The following PEX7 variants were observed in gnomAD, a reference collection of about 807,000 sequenced individuals.
The protein encoded by PEX7 is peroxisomal biogenesis factor 7.
In PEX7, 34 loss-of-function variants were observed where a neutral mutation model predicts 47.5. The observed-to-expected ratio is 0.72, with a 90% CI of 0.54 to 0.95. PEX7 has a LOEUF of 0.95. PEX7 is among the 40% of genes least tolerant of loss of function. The pLI, the probability that PEX7 is intolerant of heterozygous loss-of-function variation, is 0.00. For synonymous variants in PEX7, 141 were observed against 148.8 expected, an observed-to-expected ratio of 0.95 and a Z score of 0.38; for missense variants, 394 against 400.3, an observed-to-expected ratio of 0.98 and a Z score of 0.13.
chr6:136,827,307 G>GA lies in PEX7; in HGVS notation c.339+843dup, dbSNP rs1774212269. Among the ~76,000 whole-genome samples the GA allele has an allele frequency of 7.2e-5, 11 of 152,258 alleles. No homozygotes were observed. In the South Asian group the frequency reaches 2.3e-3, roughly 32 times the overall value. On this transcript the variant is annotated intron_variant, in intron 3 of 9. Coordinates refer to ENST00000318471, the MANE Select transcript of PEX7 (RefSeq NM_000288.4). Reference sequence around the variant, plus strand: ...TTTCTAAGATTGTTACTGAAATAATGAAAAATTTTAGTTTCTATTTTAATT... The same window carrying GA: ...TTTCTAAGATTGTTACTGAAATAATGAAAAAATTTTAGTTTCTATTTTAATT...
At chr6:136,827,230 A>G (rs1262458293) in intron 3 of PEX7, among the ~76,000 whole-genome samples, 1 of 152,210 alleles carries the variant, frequency 6.6e-6, no homozygotes, top group Non-Finnish European at 1.5e-5. Flanking sequence ...GGTAAAGATT[A>G]GTTATGTGAG....
chr6:136,850,986 T>A (rs1279252417), intron 5 of PEX7, among the ~76,000 whole-genome samples: 4 of 116,166 alleles, frequency 3.4e-5, no homozygotes, highest in Non-Finnish European at 5.3e-5. Context: ...TTTTATTTTT[T>A]TTTTATTTTT....
intron 9 of PEX7, among the ~76,000 whole-genome samples, chr6:136,906,936 T>A (rs1308781844): frequency 6.6e-6 from 1 of 152,190 alleles, no homozygotes; most frequent in Non-Finnish European, 1.5e-5. Flanking sequence ...GAACTTTTAA[T>A]CTTGCTTTCA....
intron 8 of PEX7, among the ~76,000 whole-genome samples, chr6:136,897,541 T>G (rs533494494): frequency 6.6e-6 from 1 of 152,330 alleles, no homozygotes; most frequent in South Asian, 2.1e-4. Flanking sequence ...TTTTCTTGAT[T>G]CTAGGAATTA....
chr6:136,893,257 C>T (rs1775588373), intron 8 of PEX7, among the ~76,000 whole-genome samples: 1 of 151,768 alleles, frequency 6.6e-6, no homozygotes, highest in African/African-American at 2.4e-5. Flanking sequence ...ACCTGTTTGA[C>T]CTGGCCCTGC....
At chr6:136,908,414 G>A (rs1582783439) in intron 9 of PEX7, among the ~76,000 whole-genome samples, 1 of 152,100 alleles carries the variant, frequency 6.6e-6, no homozygotes, top group Middle Eastern at 3.4e-3. Flanking sequence ...TTTACATTAA[G>A]AAATATAACA....
At chr6:136,886,354 C>T (rs767135404) in intron 8 of PEX7, among the ~76,000 whole-genome samples, 1 of 152,148 alleles carries the variant, frequency 6.6e-6, no homozygotes, top group African/African-American at 2.4e-5. Context: ...GAAAAGCTGA[C>T]TCCTCTATTT....
At chr6:136,871,116 G>A (rs1775172413) in intron 7 of PEX7, among the ~76,000 whole-genome samples, 1 of 152,214 alleles carries the variant, frequency 6.6e-6, no homozygotes, top group African/African-American at 2.4e-5. Context: ...ACAAGTTTTA[G>A]CAGTTGAAAA....
chr6:136,897,962 G>A (rs772077314), intron 8 of PEX7, among the ~76,000 whole-genome samples, 180 bp from the exon 9 acceptor site: 24 of 151,784 alleles, frequency 1.6e-4, no homozygotes, highest in Non-Finnish European at 2.5e-4. Context: ...ATAATAGGAT[G>A]GAGTACTTTT....
In PEX7 at chr6:136,845,636, C is replaced by T; in HGVS notation, c.361C>T (p.Gln121Ter). ...TTAGGTGTATAGTGTTGATTGGAGC[C>T]AAACCAGAGGTGAACAGCTTGTGGT... ...AQEVYSVDWSQTRGEQLVVSG... is the reference protein window; with the variant it reads ...AQEVYSVDWS The change falls in exon 4 of 10, where the codon CAA becomes TAA. Residue 121 changes from glutamine (Q) to a stop codon, truncating the protein, a stop_gained. Transcript: ENST00000318471. LOFTEE classifies it high-confidence loss of function. The T allele has an allele frequency of 6.2e-7, 1 of 1,609,964 alleles. No homozygotes were observed. The highest frequency in any genetic ancestry group is 1.3e-5 in the African/African-American group (1 of 74,956).
chr6:136,849,404 GTGTTTGC>G (rs1203164272), intron 5 of PEX7, among the ~76,000 whole-genome samples: 1 of 152,056 alleles, frequency 6.6e-6, no homozygotes, highest in Non-Finnish European at 1.5e-5. Flanking sequence ...GCTTTTGAAT[GTGTTTGC>G]TCTTGCTTCT....
intron 5 of PEX7, among the ~76,000 whole-genome samples, chr6:136,848,825 G>T (rs1267804449): frequency 7.2e-5 from 11 of 151,930 alleles, no homozygotes; most frequent in Admixed American, 1.3e-4. Context: ...TTTTTGTTGT[G>T]TCTCTACCAG....
At chr6:136,902,434 T>G (rs976192959) in intron 9 of PEX7, among the ~76,000 whole-genome samples, 4 of 152,216 alleles carry the variant, frequency 2.6e-5, no homozygotes, top group Non-Finnish European at 5.9e-5. Context: ...TACACCACCT[T>G]TCTTCTTAAC....
At chr6:136,827,863 GT>G (rs1020572606) in intron 3 of PEX7, among the ~76,000 whole-genome samples, 1 of 149,856 alleles carries the variant, frequency 6.7e-6, no homozygotes, top group Non-Finnish European at 1.5e-5. Flanking sequence ...TTTTGTTGTT[GT>G]TTTTTTTTGT....
intron 6 of PEX7, 58 bp downstream of exon 6, chr6:136,866,791 A>C: frequency 7.0e-7 from 1 of 1,436,152 alleles, no homozygotes; most frequent in Non-Finnish European, 9.8e-7. Flanking sequence ...AATGTTCTGA[A>C]TTTTATTTGT....
chr6:136,906,008 C>T (rs1000797443), intron 9 of PEX7, among the ~76,000 whole-genome samples: 2 of 152,188 alleles, frequency 1.3e-5, no homozygotes, highest in Non-Finnish European at 1.5e-5. Context: ...TAGATAAGCA[C>T]TTATTTGTAC....
At chr6:136,835,788 A>G (rs72985546) in intron 3 of PEX7, among the ~76,000 whole-genome samples, 5,786 of 152,318 alleles carry the variant, frequency 0.038, 132 homozygotes, top group Middle Eastern at 0.065. Flanking sequence ...CAAAATATAG[A>G]TTTAAAAAAC....
chr6:136,877,802 A>T (rs1315829845), intron 8 of PEX7, among the ~76,000 whole-genome samples: 1 of 152,152 alleles, frequency 6.6e-6, no homozygotes. Flanking sequence ...TTTCGGTTCC[A>T]TATGAAATTT....
intron 5 of PEX7, among the ~76,000 whole-genome samples, chr6:136,862,202 G>T (rs1478955014): frequency 6.6e-6 from 1 of 151,162 alleles, no homozygotes; most frequent in Non-Finnish European, 1.5e-5. Context: ...GAGTAGCTGG[G>T]ATTACAGGCG....
Sources: gnomAD v4.1 joint callset for allele counts (sites outside exome capture counted in the v4.1 genomes callset) on GRCh38, gnomAD v4.1.1 for gene constraint, MANE v1.5 for transcripts, NCBI Gene and HGNC (gene_info 2026-07-23, HGNC 2026-07-21) for gene names.